Variants in UGT2B7 observed in about 807,000 individuals in gnomAD.
UGT2B7 encodes UDP glucuronosyltransferase family 2 member B7.
A neutral mutation model predicts 51.9 loss-of-function variants in UGT2B7; 51 were observed. The observed-to-expected ratio is 0.98, with a 90% CI of 0.78 to 1.24. The LOEUF (loss-of-function observed/expected upper bound fraction) is 1.24, where lower values mean the gene tolerates loss of function less well. Ranked by LOEUF, UGT2B7 falls within the 50% of genes most tolerant of loss-of-function variation. The pLI, the probability that UGT2B7 is intolerant of heterozygous loss-of-function variation, is 0.00. For synonymous variants in UGT2B7, 225 were observed against 211.6 expected (o/e 1.06, Z -0.55); for missense variants, 727 against 628.4 (o/e 1.16, Z -1.68).
At chr4:69,076,129 A>G (rs11945620) in intron 1 of UGT2B7, among the ~76,000 whole-genome samples, 18,648 of 152,218 alleles carry the variant, frequency 0.12, 1,699 homozygotes, top group Admixed American at 0.26. Flanking sequence ...TTATGTGTGC[A>G]TAGTATTCTA....
At chr4:69,086,377 A>G (rs1057456280) in intron 1 of UGT2B7, among the ~76,000 whole-genome samples, 1 of 151,838 alleles carries the variant, frequency 6.6e-6, no homozygotes, top group African/African-American at 2.4e-5. Context: ...AAAATTTAAG[A>G]CTTATTTTGA....
chr4:69,085,722 T>C (rs1035584953), intron 1 of UGT2B7, among the ~76,000 whole-genome samples: 3 of 151,994 alleles, frequency 2.0e-5, no homozygotes, highest in Non-Finnish European at 4.4e-5. Context: ...ATTATTTCCC[T>C]GTTCATGTTT....
intron 1 of UGT2B7, among the ~76,000 whole-genome samples, chr4:69,084,621 C>T (rs934596506): frequency 6.6e-6 from 1 of 152,022 alleles, no homozygotes; most frequent in East Asian, 1.9e-4. Flanking sequence ...TCCTCTTTCC[C>T]CCCAACGCAC....
intron 1 of UGT2B7, among the ~76,000 whole-genome samples, chr4:69,071,853 TATAGAC>T (rs1718608921): frequency 6.6e-6 from 1 of 152,102 alleles, no homozygotes; most frequent in Non-Finnish European, 1.5e-5. Context: ...GGGGAAAACT[TATAGAC>T]AAATATTAGT....
At chr4:69,085,770 G>T (rs778061714) in intron 1 of UGT2B7, among the ~76,000 whole-genome samples, 6 of 151,810 alleles carry the variant, frequency 4.0e-5, no homozygotes, top group Non-Finnish European at 7.4e-5. Flanking sequence ...GGTGGTATGT[G>T]TCCAAAAACT....
At chr4:69,073,480 C>T (rs902696334) in intron 1 of UGT2B7, among the ~76,000 whole-genome samples, 1 of 152,064 alleles carries the variant, frequency 6.6e-6, no homozygotes, top group African/African-American at 2.4e-5. Flanking sequence ...AATCCTGATT[C>T]ATCATGACAG....
intron 2 of UGT2B7, among the ~76,000 whole-genome samples, chr4:69,102,492 T>A (rs1279130951): frequency 1.3e-5 from 2 of 152,156 alleles, no homozygotes; most frequent in Admixed American, 1.3e-4. Context: ...GAGAAGAGTC[T>A]GTGTATAATA....
chr4:69,095,995 TG>T, upstream of UGT2B7, among the ~76,000 whole-genome samples: 1 of 152,130 alleles, frequency 6.6e-6, no homozygotes, highest in East Asian at 1.9e-4. Flanking sequence ...GGGCTTATTT[TG>T]GGGAGATAAA....
intron 1 of UGT2B7, among the ~76,000 whole-genome samples, chr4:69,063,169 A>T (rs1451125729): frequency 1.3e-5 from 2 of 150,982 alleles, no homozygotes; most frequent in Non-Finnish European, 2.9e-5. Flanking sequence ...AATACAAAAA[A>T]TTAGCCGGGC....
chr4:69,082,455 A>C (rs1718861148), intron 1 of UGT2B7, among the ~76,000 whole-genome samples: 1 of 152,050 alleles, frequency 6.6e-6, no homozygotes, highest in Non-Finnish European at 1.5e-5. Flanking sequence ...GTGTTACTCC[A>C]GTGAATGCCC....
At chr4:69,054,840 C>T (rs577195952) in intron 1 of UGT2B7, among the ~76,000 whole-genome samples, 12 of 152,186 alleles carry the variant, frequency 7.9e-5, no homozygotes, top group African/African-American at 2.9e-4. Flanking sequence ...AGGACTTCAG[C>T]TGAACTTCCT....
intron 1 of UGT2B7, among the ~76,000 whole-genome samples, chr4:69,082,465 CA>C (rs1233933880): frequency 2.6e-5 from 4 of 151,648 alleles, no homozygotes; most frequent in African/African-American, 4.8e-5. Context: ...AGTGAATGCC[CA>C]AATGGTAAAA....
chr4:69,070,501 A>T (rs1406151277), intron 1 of UGT2B7, among the ~76,000 whole-genome samples: 3 of 151,328 alleles, frequency 2.0e-5, no homozygotes, highest in Non-Finnish European at 3.0e-5. Flanking sequence ...TTTTATTTTG[A>T]CTACTGAAGT....
In UGT2B7 at chr4:69,098,643, T is replaced by C. The variant is rs1225927181; in HGVS notation, c.825T>C (p.Asp275=). Reference sequence around the variant, plus strand: ...CATATCCACTCTTACCAAATGTTGATTTTGTTGGAGGACTCCACTGCAAAC... The same window carrying C: ...CATATCCACTCTTACCAAATGTTGACTTTGTTGGAGGACTCCACTGCAAAC... ...QFPYPLLPNV[D]FVGGLHCKPA... is the part of the protein sequence containing the mutation. Residue 275 remains aspartate (D), a synonymous_variant, in exon 2 of 6, where the codon GAT becomes GAC. Transcript: ENST00000305231. 3 of 1,612,572 alleles carry C rather than the reference T, an allele frequency of 1.9e-6. No homozygotes were observed. The highest frequency in any genetic ancestry group is 2.5e-6 in the Non-Finnish European group (3 of 1,179,074).
chr4:69,061,630 T>C (rs573406095), intron 1 of UGT2B7, among the ~76,000 whole-genome samples: 64 of 152,296 alleles, frequency 4.2e-4, no homozygotes, highest in Admixed American at 1.7e-3. Context: ...GCCCCCAGAT[T>C]TGCAAAACAG....
chr4:69,075,967 C>T (rs1275435647), intron 1 of UGT2B7, among the ~76,000 whole-genome samples: 1 of 151,492 alleles, frequency 6.6e-6, no homozygotes, highest in Non-Finnish European at 1.5e-5. Context: ...GTGTGATGTT[C>T]CCCTCCCTGT....
chr4:69,109,637 T>A (rs1170685415), intron 5 of UGT2B7, among the ~76,000 whole-genome samples: 1 of 152,204 alleles, frequency 6.6e-6, no homozygotes, highest in African/African-American at 2.4e-5. Context: ...ATGTCAGATA[T>A]ATAACTTGTA....
At chr4:69,053,064 T>C (rs1350583763) in intron 1 of UGT2B7, among the ~76,000 whole-genome samples, 6 of 152,156 alleles carry the variant, frequency 3.9e-5, no homozygotes, top group African/African-American at 1.4e-4. Context: ...TTTTTTTTCT[T>C]AAAGCATCAA....
Position 69,112,740 on chromosome 4 carries a change from T to A in UGT2B7, c.*4T>A, listed in dbSNP as rs756691662. On this transcript the variant is annotated 3_prime_UTR_variant, in exon 6 of 6. Transcript: ENST00000305231. ...AAAGAAGGGAAAAAATGATTAGTTA[T>A]ATCTGAGATTTGAAGCTGGAAAACC... 3.0e-5 allele frequency: 49 copies of A among 1,613,214 alleles called. No individual in the cohort carries two copies. The highest frequency in any genetic ancestry group is 4.0e-5 in the Non-Finnish European group (47 of 1,179,786).
Sources: allele counts gnomAD v4.1 joint callset (sites outside exome capture counted in the v4.1 genomes callset), GRCh38; gene constraint gnomAD v4.1.1; transcripts MANE v1.5; gene names NCBI Gene and HGNC (gene_info 2026-07-23, HGNC 2026-07-21).